Variants in DMD observed in about 807,000 individuals in gnomAD.
DMD encodes the protein dystrophin.
Under a neutral mutation model 330.1 loss-of-function variants are expected in DMD, and 63 were observed. The ratio of observed to expected loss-of-function variants is 0.19; its 90% CI spans 0.16 to 0.24. DMD has a LOEUF of 0.24. DMD is among the 10% of genes least tolerant of loss of function. The pLI is 1.00. For synonymous variants in DMD, 1,223 were observed against 959.8 expected, an observed-to-expected ratio of 1.27 and a Z score of -5.07; for missense variants, 3,344 against 2,684.1, an observed-to-expected ratio of 1.25 and a Z score of -5.43.
chrX:32,338,558 C>A (rs1018205714), intron 41 of DMD, among the ~76,000 whole-genome samples: 1 of 111,019 alleles, frequency 9.0e-6, no homozygotes, highest in Non-Finnish European at 1.9e-5. Flanking sequence ...ACTTAATATC[C>A]TTTGGTGATT....
intron 44 of DMD, among the ~76,000 whole-genome samples, chrX:32,189,368 TA>T (rs1253779731): frequency 1.3e-5 from 1 of 74,475 alleles, no homozygotes; most frequent in East Asian, 4.0e-4. Context: ...GTCAGCAAAC[TA>T]CAAAAAAAAA....
intron 1 of DMD, among the ~76,000 whole-genome samples, chrX:33,030,617 G>C (rs2094092276): frequency 9.0e-6 from 1 of 111,225 alleles, no homozygotes; most frequent in Admixed American, 9.6e-5. Context: ...AATAACCATA[G>C]ACTAATTATG....
At chrX:32,979,850 A>T (rs1371955342) in intron 2 of DMD, among the ~76,000 whole-genome samples, 1 of 111,459 alleles carries the variant, frequency 9.0e-6, no homozygotes, top group East Asian at 2.8e-4. Context: ...AAGATGAAAA[A>T]GGAGGCTGAT....
intron 1 of DMD, among the ~76,000 whole-genome samples, chrX:33,107,867 T>A (rs1276857304): frequency 8.9e-6 from 1 of 111,814 alleles, no homozygotes; most frequent in Non-Finnish European, 1.9e-5. Context: ...TGTATATTTT[T>A]TTATCTAGGA....
intron 54 of DMD, among the ~76,000 whole-genome samples, chrX:31,657,737 T>C (rs1002557847): frequency 8.9e-6 from 1 of 112,017 alleles, no homozygotes; most frequent in Non-Finnish European, 1.9e-5. Flanking sequence ...TAGCTATAAA[T>C]CAGTATTTTG....
At chrX:32,272,064 C>A (rs990516861) in intron 43 of DMD, among the ~76,000 whole-genome samples, 1 of 111,489 alleles carries the variant, frequency 9.0e-6, no homozygotes, top group South Asian at 3.8e-4. Context: ...TTAGGGGTGA[C>A]AAAAGGTATA....
intron 59 of DMD, among the ~76,000 whole-genome samples, chrX:31,448,775 A>G (rs2065474407): frequency 8.9e-6 from 1 of 111,943 alleles, no homozygotes; most frequent in African/African-American, 3.2e-5. Context: ...AACCAAGTCT[A>G]ATTTTATTAT....
Position 32,699,138 on chromosome X carries a change from G to T in DMD, c.805C>A (p.His269Asn). 1 of 1,210,213 alleles carries T rather than the reference G, an allele frequency of 8.3e-7. No individual in the cohort carries two copies. Among genetic ancestry groups the T allele is most frequent in the East Asian group, 3.0e-5 (1 of 33,783 alleles). Residue 269 changes from histidine (H) to asparagine (N), a missense_variant, in exon 8 of 79, where the codon CAT (histidine) becomes AAT (asparagine). Coordinates refer to ENST00000357033, the MANE Select transcript of DMD (RefSeq NM_004006.3). The part of the protein sequence containing the change: ...KVTKEEHFQL[H>N]HQMHYSQQIT... ...TGTTGAGAATAGTGCATTTGATGAT[G>T]TAACTGAAAATGTTCTTCTTTAGTC...
At chrX:32,766,378 C>A (rs2072986033) in intron 7 of DMD, among the ~76,000 whole-genome samples, 1 of 111,190 alleles carries the variant, frequency 9.0e-6, no homozygotes, top group African/African-American at 3.3e-5. Flanking sequence ...TAATTTCTTT[C>A]AGGATTGTTT....
intron 7 of DMD, among the ~76,000 whole-genome samples, chrX:32,751,768 G>A (rs2070847967): frequency 8.9e-6 from 1 of 112,208 alleles, no homozygotes; most frequent in African/African-American, 3.2e-5. Context: ...AAATGGTTTT[G>A]TGGGCTAGGC....
chrX:31,912,141 C>T (rs781412877), intron 47 of DMD, among the ~76,000 whole-genome samples: 1 of 111,025 alleles, frequency 9.0e-6, no homozygotes, highest in Non-Finnish European at 1.9e-5. Flanking sequence ...TCACTGTTCA[C>T]TGGTCTCCTG....
At chrX:31,903,303 C>G (rs2094444425) in intron 47 of DMD, among the ~76,000 whole-genome samples, 2 of 111,344 alleles carry the variant, frequency 1.8e-5, no homozygotes, top group African/African-American at 6.5e-5. Flanking sequence ...ATTTCAAATG[C>G]TCATATGGTA....
intron 2 of DMD, among the ~76,000 whole-genome samples, chrX:32,870,720 A>G (rs968246305): frequency 2.3e-4 from 26 of 110,858 alleles, no homozygotes; most frequent in Non-Finnish European, 7.5e-5. Flanking sequence ...CTGGCTAGCC[A>G]TATTCAGAAA....
At chrX:32,706,265 G>A (rs1407616894) in intron 7 of DMD, among the ~76,000 whole-genome samples, 1 of 101,755 alleles carries the variant, frequency 9.8e-6, no homozygotes, top group East Asian at 3.3e-4. Context: ...GATAGCATTA[G>A]GAGATATACC....
intron 17 of DMD, among the ~76,000 whole-genome samples, chrX:32,531,130 C>G (rs1022028588): frequency 9.0e-6 from 1 of 110,912 alleles, no homozygotes; most frequent in African/African-American, 3.3e-5. Flanking sequence ...TATAAAATGT[C>G]CAAAGATATA....
chrX:33,274,718 G>A (rs763666050), intron 1 of DMD, among the ~76,000 whole-genome samples: 2 of 111,810 alleles, frequency 1.8e-5, no homozygotes, highest in South Asian at 3.7e-4. Flanking sequence ...GGCTTATGAT[G>A]TACAAACTGT....
intron 51 of DMD, among the ~76,000 whole-genome samples, chrX:31,744,844 T>G (rs1045804086): frequency 8.9e-6 from 1 of 112,136 alleles, no homozygotes; most frequent in South Asian, 3.7e-4. Flanking sequence ...AATAATTGTA[T>G]GCATAACACA....
chrX:31,661,437 G>A (rs908555354), intron 53 of DMD, among the ~76,000 whole-genome samples: 3 of 106,669 alleles, frequency 2.8e-5, no homozygotes, highest in African/African-American at 7.0e-5. Flanking sequence ...TATTCTGCCC[G>A]CCCACCTTGG....
intron 53 of DMD, among the ~76,000 whole-genome samples, chrX:31,668,581 T>C (rs1032917563): frequency 9.0e-6 from 1 of 111,533 alleles, no homozygotes; most frequent in Admixed American, 9.6e-5. Context: ...TTAACGTATC[T>C]ATCACTGCAT....
Sources: allele counts gnomAD v4.1 joint callset (sites outside exome capture counted in the v4.1 genomes callset), GRCh38; gene constraint gnomAD v4.1.1; transcripts MANE v1.5; gene names NCBI Gene and HGNC (gene_info 2026-07-23, HGNC 2026-07-21).